Variants in AK4 observed in about 807,000 individuals in gnomAD.
The protein encoded by AK4 is adenylate kinase 4, mitochondrial.
AK4 carries 13 observed loss-of-function variants against 24.6 expected under a neutral mutation model. That is an observed-to-expected ratio of 0.53 (90% confidence interval 0.34 to 0.84). The LOEUF (loss-of-function observed/expected upper bound fraction) is 0.84. AK4 is among the 40% of genes least tolerant of loss of function. AK4 has a pLI of 0.01. For synonymous variants in AK4, 88 were observed against 107.0 expected (o/e 0.82, Z 1.10); for missense variants, 192 against 288.2 (o/e 0.67, Z 2.42).
At chr1:65,181,943 C>T (rs1335294082) in intron 1 of AK4, among the ~76,000 whole-genome samples, 2 of 151,760 alleles carry the variant, frequency 1.3e-5, no homozygotes, top group East Asian at 3.9e-4. Flanking sequence ...GGCAGGAGTG[C>T]CTCTCTCTGT....
chr1:65,220,217 A>T (rs762953432), intron 3 of AK4, among the ~76,000 whole-genome samples: 1 of 152,212 alleles, frequency 6.6e-6, no homozygotes, highest in Non-Finnish European at 1.5e-5. Flanking sequence ...TTTGTGCAAA[A>T]TGTAAGTTTT....
At chr1:65,174,938 T>A (rs1650662050) in intron 1 of AK4, among the ~76,000 whole-genome samples, 1 of 152,256 alleles carries the variant, frequency 6.6e-6, no homozygotes, top group South Asian at 2.1e-4. Flanking sequence ...TTTTTCTTTT[T>A]AAAATTTTTA....
intron 1 of AK4, chr1:65,149,050 C>T (rs747295258): frequency 1.8e-4 from 27 of 152,542 alleles, no homozygotes; most frequent in Non-Finnish European, 2.6e-4. Context: ...CGCAGCCTCG[C>T]GCCTCTCCAG....
At chr1:65,191,868 C>G (rs574208951) in intron 2 of AK4, among the ~76,000 whole-genome samples, 2 of 152,034 alleles carry the variant, frequency 1.3e-5, no homozygotes, top group South Asian at 4.2e-4. Flanking sequence ...TAAGGGATGT[C>G]GAAGGCCTGA....
chr1:65,211,993 C>T (rs1008205997), intron 2 of AK4, among the ~76,000 whole-genome samples: 2 of 152,156 alleles, frequency 1.3e-5, no homozygotes, highest in African/African-American at 2.4e-5. Context: ...ACATGGGTAT[C>T]TGGAGCAAAA....
chr1:65,210,489 T>TG (rs1428027996), intron 2 of AK4, among the ~76,000 whole-genome samples: 8 of 152,184 alleles, frequency 5.3e-5, no homozygotes, highest in Non-Finnish European at 1.0e-4. Context: ...CACATACACA[T>TG]GCTATTTGCA....
chr1:65,218,622 C>A, intron 2 of AK4, 132 bp from the exon 3 acceptor site: 2 of 770,670 alleles, frequency 2.6e-6, no homozygotes, highest in Non-Finnish European at 3.7e-6. Context: ...CAAATGATCC[C>A]ATCACCCAGA....
At chr1:65,147,753 C>G (rs1174504239), upstream of AK4, 2 of 151,842 alleles carry the variant, frequency 1.3e-5, no homozygotes, top group Non-Finnish European at 2.9e-5. Context: ...ATCCGCCAAC[C>G]CCGGGCGGAG....
chr1:65,162,568 C>A (rs565409410), intron 1 of AK4, among the ~76,000 whole-genome samples: 1 of 151,792 alleles, frequency 6.6e-6, no homozygotes, highest in Non-Finnish European at 1.5e-5. Flanking sequence ...CAGGGCCGGG[C>A]GCAGTGGCAC....
intron 2 of AK4, among the ~76,000 whole-genome samples, chr1:65,210,260 T>C (rs1187839555): frequency 2.0e-5 from 3 of 152,178 alleles, no homozygotes; most frequent in African/African-American, 4.8e-5. Context: ...CCAGGGCCTC[T>C]GTGACCATTG....
At chr1:65,214,203 C>T (rs529064518) in intron 2 of AK4, among the ~76,000 whole-genome samples, 14 of 152,266 alleles carry the variant, frequency 9.2e-5, no homozygotes, top group East Asian at 1.9e-4. Context: ...CTTCCACCTC[C>T]GGGTTCAAGT....
intron 1 of AK4, among the ~76,000 whole-genome samples, chr1:65,153,154 G>A (rs1421834121): frequency 6.6e-6 from 1 of 152,132 alleles, no homozygotes; most frequent in Non-Finnish European, 1.5e-5. Context: ...TTTCTTTGAG[G>A]ATTTTCACAC....
intron 2 of AK4, among the ~76,000 whole-genome samples, chr1:65,192,255 TCC>T (rs1651329900): frequency 6.6e-6 from 1 of 152,156 alleles, no homozygotes; most frequent in African/African-American, 2.4e-5. Flanking sequence ...TGCTGCATCA[TCC>T]CATGGCAGAA....
intron 2 of AK4, among the ~76,000 whole-genome samples, chr1:65,199,301 G>A (rs920174925): frequency 2.6e-5 from 4 of 152,118 alleles, no homozygotes; most frequent in African/African-American, 9.6e-5. Context: ...TGTAATCCCA[G>A]CACTTTGGGA....
intron 2 of AK4, among the ~76,000 whole-genome samples, chr1:65,195,349 T>C (rs546340443): frequency 2.9e-5 from 4 of 140,176 alleles, no homozygotes; most frequent in Non-Finnish European, 3.0e-5. Context: ...ACATTCAAAC[T>C]ATAGCACCCC....
intron 1 of AK4, among the ~76,000 whole-genome samples, chr1:65,184,091 T>G (rs909639686): frequency 3.3e-5 from 5 of 152,228 alleles, no homozygotes; most frequent in African/African-American, 1.2e-4. Flanking sequence ...TTATCTGATC[T>G]AGTTAGAAAT....
intron 1 of AK4, among the ~76,000 whole-genome samples, chr1:65,188,570 C>A (rs1311582924): frequency 1.3e-5 from 2 of 151,888 alleles, no homozygotes; most frequent in Non-Finnish European, 2.9e-5. Flanking sequence ...GCTCCGCCTC[C>A]TGGGTTCACA....
intron 2 of AK4, among the ~76,000 whole-genome samples, chr1:65,197,316 G>C (rs1208861820): frequency 6.6e-6 from 1 of 152,128 alleles, no homozygotes. Context: ...AGATGTAGTA[G>C]AATTATCTGC....
In AK4 at chr1:65,230,315, T is replaced by A. The variant is rs1652602756; in HGVS notation, c.*4138T>A. The A allele has an allele frequency of 6.6e-6, 1 of 152,214 alleles. No homozygotes were observed. The highest frequency in any genetic ancestry group is 2.4e-5 in the African/African-American group (1 of 41,454). 9.4% of individuals were successfully genotyped at this position (152,214 alleles called of 1,614,324 possible). The stretch of plus-strand genomic sequence containing the variant: ...TGCTATTTAAGATGTTGAGACCGGA[T>A]AACTTTAGAAAGATACCTGCACAAA... On this transcript the variant is annotated 3_prime_UTR_variant, in exon 5 of 5. Coordinates refer to ENST00000327299, the MANE Select transcript of AK4 (RefSeq NM_013410.4).
Sources: gnomAD v4.1 joint callset for allele counts (sites outside exome capture counted in the v4.1 genomes callset) on GRCh38, gnomAD v4.1.1 for gene constraint, MANE v1.5 for transcripts, NCBI Gene and HGNC (gene_info 2026-07-23, HGNC 2026-07-21) for gene names.